LRRN2: variants seen among roughly 807,000 people sequenced by gnomAD.
LRRN2 encodes leucine-rich repeat neuronal protein 2.
LRRN2 carries 10 observed loss-of-function variants against 35.7 expected under a neutral mutation model. The observed-to-expected ratio is 0.28, with a 90% CI of 0.17 to 0.47. LRRN2 has a LOEUF of 0.47. Among genes scored for constraint, LRRN2 ranks in the 20% least tolerant of loss-of-function variants. The pLI, the probability that LRRN2 is intolerant of heterozygous loss-of-function variation, is 0.99. For missense variants in LRRN2, 731 were observed against 940.3 expected (o/e 0.78, Z 2.91); for synonymous variants, 391 against 409.6 (o/e 0.95, Z 0.55).
intron 1 of LRRN2, among the ~76,000 whole-genome samples, chr1:204,675,666 A>G (rs1268204661): frequency 6.6e-6 from 1 of 152,232 alleles, no homozygotes; most frequent in East Asian, 1.9e-4. Flanking sequence ...CTTAAGCCAG[A>G]TATCAGCAAT....
chr1:204,633,079 A>G (rs1444418064), intron 1 of LRRN2: 1 of 152,132 alleles, frequency 6.6e-6, no homozygotes, highest in African/African-American at 2.4e-5. Flanking sequence ...TAGGTCATGA[A>G]GAAATAAATT....
At position 204,619,485 on chromosome 1, in the gene LRRN2, G is replaced by A. The variant is rs997096507; in HGVS notation, c.508C>T (p.Leu170=). Residue 170 remains leucine, a synonymous_variant, in exon 2 of 2, where the codon CTG becomes TTG. Coordinates refer to ENST00000367177, the MANE Select transcript of LRRN2 (RefSeq NM_201630.2). ...AFSGLSNLLR[L]HLNSNLLRAI... is the part of the protein sequence containing the mutation. ...CTCAGGAGGTTGGAGTTGAGGTGCA[G>A]CCGCAGCAAGTTGCTGAGGCCAGAA... The A allele has an allele frequency of 1.2e-6, 2 of 1,614,146 alleles. No individual in the cohort carries two copies. The highest frequency in any genetic ancestry group is 2.7e-5 in the African/African-American group (2 of 74,942).
chr1:204,644,549 T>C (rs540695697), intron 1 of LRRN2, among the ~76,000 whole-genome samples: 42 of 152,204 alleles, frequency 2.8e-4, no homozygotes, highest in Non-Finnish European at 4.6e-4. Flanking sequence ...CTTTCCATTC[T>C]CTTATTAGGG....
intron 1 of LRRN2, among the ~76,000 whole-genome samples, chr1:204,662,907 A>G (rs1229084976): frequency 1.3e-5 from 2 of 152,118 alleles, no homozygotes; most frequent in Non-Finnish European, 2.9e-5. Flanking sequence ...TTCTGTTCTC[A>G]GGATGGCTCA....
At chr1:204,624,758 C>A (rs866320431) in intron 1 of LRRN2, among the ~76,000 whole-genome samples, 2,309 of 149,126 alleles carry the variant, frequency 0.015, 70 homozygotes, top group African/African-American at 0.053. Flanking sequence ...CCCCCCCACC[C>A]CCCCCCCCGG....
rs35513876 is a variant in LRRN2 at position 204,653,861 on chromosome 1, CA to C, written c.-227+31458del. Among the ~76,000 whole-genome samples, 627 of 122,132 alleles carry C rather than the reference CA, an allele frequency of 5.1e-3. 3 individuals are homozygous for C. Among genetic ancestry groups the C allele is most frequent in the African/African-American group, 0.016 (481 of 30,646 alleles). 80.1% of individuals were successfully genotyped at this position (122,132 alleles called of 152,430 possible). On this transcript the variant is annotated intron_variant, in intron 1 of 1. Transcript: ENST00000367177. ...TGGGCAACAGAGTGAGACCCCATCT[CA>C]AAAAAAAAAAAAAAGAAAAACTATT...
intron 1 of LRRN2, among the ~76,000 whole-genome samples, chr1:204,662,174 G>A (rs1668485928): frequency 6.6e-6 from 1 of 152,204 alleles, no homozygotes; most frequent in African/African-American, 2.4e-5. Context: ...CCTTGGGGAG[G>A]GTGTAGACAA....
chr1:204,621,210 G>A (rs1666866874), intron 1 of LRRN2: 1 of 167,278 alleles, frequency 6.0e-6, no homozygotes, highest in African/African-American at 2.4e-5. Context: ...CCTCAGCTGT[G>A]CAGGTAAGAC....
intron 1 of LRRN2, among the ~76,000 whole-genome samples, chr1:204,631,720 C>T (rs541300711): frequency 1.1e-4 from 17 of 152,088 alleles, no homozygotes; most frequent in Admixed American, 7.9e-4. Context: ...GGTAGTGTTG[C>T]TGGGAATCCA....
intron 1 of LRRN2, among the ~76,000 whole-genome samples, chr1:204,624,527 T>A (rs1667170107): frequency 6.6e-6 from 1 of 152,194 alleles, no homozygotes; most frequent in Non-Finnish European, 1.5e-5. Flanking sequence ...GCTGTTTCTG[T>A]GGATTTAGCG....
intron 1 of LRRN2, among the ~76,000 whole-genome samples, chr1:204,636,231 A>C (rs1667830041): frequency 6.6e-6 from 1 of 152,204 alleles, no homozygotes; most frequent in Non-Finnish European, 1.5e-5. Context: ...CAGAACCTGA[A>C]ACAGACGCGG....
At chr1:204,681,005 A>G (rs928988277) in intron 1 of LRRN2, among the ~76,000 whole-genome samples, 4 of 151,236 alleles carry the variant, frequency 2.6e-5, no homozygotes, top group Non-Finnish European at 5.9e-5. Context: ...TGCTCAGGCT[A>G]GAGTGCAGTG....
In LRRN2 at chr1:204,631,262, ATATATATATATATATATAT is replaced by A. The variant is rs1161059817; in HGVS notation, c.-226-11063_-226-11045del. Among the ~76,000 whole-genome samples the A allele has an allele frequency of 1.2e-3, 44 of 37,924 alleles. 8 individuals carry two copies. Among genetic ancestry groups the A allele is most frequent in the Admixed American group, 9.2e-3 (36 of 3,928 alleles). 24.9% of individuals were successfully genotyped at this position (37,924 alleles called of 152,430 possible). A position where few individuals can be genotyped will look rare whatever the true frequency, so the allele number is the denominator to read the frequency against. On this transcript the variant is annotated intron_variant, in intron 1 of 1. Coordinates refer to ENST00000367177, the MANE Select transcript of LRRN2 (RefSeq NM_201630.2). ...GAGTGATACCTAGAGTGTTCTATAT[ATATATATATATATATATAT>A]ATATATATATATATATATATATGAA... is the stretch of plus-strand genomic sequence containing the variant.
intron 1 of LRRN2, among the ~76,000 whole-genome samples, chr1:204,676,307 T>C (rs1029854051): frequency 2.0e-5 from 3 of 152,198 alleles, no homozygotes; most frequent in Non-Finnish European, 4.4e-5. Context: ...CAGTCCCAGA[T>C]TGTTTAGAAC....
Position 204,618,032 on chromosome 1 carries a change from T to G in LRRN2, c.1961A>C (p.Gln654Pro). 1.2e-6 allele frequency: 2 copies of G among 1,612,516 alleles called. No homozygotes were observed. The highest frequency in any genetic ancestry group is 1.7e-6 in the Non-Finnish European group (2 of 1,179,414). Residue 654 changes from glutamine to proline, a missense_variant, in exon 2 of 2, where the codon CAA (glutamine) becomes CCA (proline). Coordinates refer to ENST00000367177, the MANE Select transcript of LRRN2 (RefSeq NM_201630.2). ...AGLAAHLGTG[Q>P]PRKGVGGRRP... ...CCTCCCACCCACACCCTTCCTGGGT[T>G]GGCCTGTGCCAAGGTGGGCCGCTAG...
At chr1:204,643,777 G>A (rs1668037346) in intron 1 of LRRN2, among the ~76,000 whole-genome samples, 1 of 151,978 alleles carries the variant, frequency 6.6e-6, no homozygotes, top group Non-Finnish European at 1.5e-5. Flanking sequence ...GAAACCCAGG[G>A]GCTAGAGGAA....
At chr1:204,680,741 G>A (rs1307206224) in intron 1 of LRRN2, among the ~76,000 whole-genome samples, 1 of 151,958 alleles carries the variant, frequency 6.6e-6, no homozygotes, top group African/African-American at 2.4e-5. Context: ...GAGGCTGAGA[G>A]GGACGTGTCA....
intron 1 of LRRN2, among the ~76,000 whole-genome samples, chr1:204,677,732 C>T (rs1279523190): frequency 1.3e-5 from 2 of 152,162 alleles, no homozygotes; most frequent in Non-Finnish European, 2.9e-5. Context: ...AATGGGACTC[C>T]ATGAAGCCAG....
At chr1:204,621,633 T>A (rs1461171813) in intron 1 of LRRN2, 1 of 167,130 alleles carries the variant, frequency 6.0e-6, no homozygotes, top group Non-Finnish European at 1.5e-5. Flanking sequence ...CTTCAGGAGA[T>A]TAGACATCAC....
Sources: gnomAD v4.1 joint callset for allele counts (sites outside exome capture counted in the v4.1 genomes callset) on GRCh38, gnomAD v4.1.1 for gene constraint, MANE v1.5 for transcripts, NCBI Gene and HGNC (gene_info 2026-07-23, HGNC 2026-07-21) for gene names.